The following MROH9 variants were observed in gnomAD, a reference collection of about 807,000 sequenced individuals.
The protein encoded by MROH9 is maestro heat like repeat family member 9, also known as maestro heat-like repeat-containing protein family member 9.
MROH9 carries 92 observed loss-of-function variants against 98.2 expected under a neutral mutation model. That is an observed-to-expected ratio of 0.94 (90% CI 0.79 to 1.11). MROH9 has a LOEUF of 1.11. MROH9 is among the 50% of genes most tolerant of loss of function. MROH9 has a pLI of 0.00. For synonymous variants in MROH9, 397 were observed against 368.9 expected (o/e 1.08, Z -0.87); for missense variants, 1,057 against 1,014.8 (o/e 1.04, Z -0.57).
chr1:170,968,598 G>A (rs1304651984), intron 7 of MROH9, among the ~76,000 whole-genome samples: 1 of 152,058 alleles, frequency 6.6e-6, no homozygotes, highest in East Asian at 1.9e-4. Context: ...AAGATAGAGA[G>A]ACAGCTGGGC....
chr1:170,950,196 C>G (rs1472478188), intron 3 of MROH9, among the ~76,000 whole-genome samples: 1 of 151,992 alleles, frequency 6.6e-6, no homozygotes, highest in Non-Finnish European at 1.5e-5. Context: ...TGTGTTTACC[C>G]TAAAACCAAA....
At chr1:171,046,959 T>C (rs1446115129) in intron 20 of MROH9, among the ~76,000 whole-genome samples, 2 of 152,192 alleles carry the variant, frequency 1.3e-5, no homozygotes, top group East Asian at 3.8e-4. Context: ...TAACATAGTT[T>C]TCCTTCAGCA....
intron 19 of MROH9, 50 bp downstream of exon 19, chr1:171,024,815 A>C: frequency 9.0e-7 from 1 of 1,108,036 alleles, no homozygotes; most frequent in Non-Finnish European, 1.3e-6. Flanking sequence ...GACAAAACTT[A>C]CAGGATATCC....
chr1:171,014,365 A>T lies in MROH9; in HGVS notation c.1734+111A>T, dbSNP rs1652260886. 6.2e-6 allele frequency: 6 copies of T among 968,660 alleles called. No homozygotes were observed. The South Asian group carries it at 1.3e-4, about 22-fold the overall frequency. 60.0% of individuals were successfully genotyped at this position (968,660 alleles called of 1,614,324 possible). On this transcript the variant is annotated intron_variant, in intron 16 of 21. Transcript: ENST00000367759. ...CGGTGATATTTTTCAGTCTCTATAT[A>T]ACTAAAACATATCAAAGCCTGCTGT...
At chr1:170,973,705 G>A (rs1419285651) in intron 8 of MROH9, among the ~76,000 whole-genome samples, 4 of 152,050 alleles carry the variant, frequency 2.6e-5, no homozygotes, top group East Asian at 1.9e-4. Context: ...GTGAATCCCC[G>A]TCTCTACTAA....
chr1:171,000,846 T>C (rs1651759050), intron 15 of MROH9, among the ~76,000 whole-genome samples: 1 of 152,150 alleles, frequency 6.6e-6, no homozygotes, highest in Non-Finnish European at 1.5e-5. Context: ...CTGGTAGAAT[T>C]CTGCTGTGAA....
At chr1:170,954,422 T>A (rs1649681186) in intron 3 of MROH9, among the ~76,000 whole-genome samples, 1 of 152,130 alleles carries the variant, frequency 6.6e-6, no homozygotes, top group African/African-American at 2.4e-5. Flanking sequence ...TTAGGTTGAT[T>A]CCATATCTTG....
chr1:171,016,448 C>T (rs1006216239), intron 17 of MROH9, 112 bp downstream of exon 17: 1 of 784,210 alleles, frequency 1.3e-6, no homozygotes, highest in Non-Finnish European at 1.8e-6. Flanking sequence ...AAGAAGCCAC[C>T]ATTTCTTTTA....
At chr1:170,944,286 G>C (rs1271882396) in intron 1 of MROH9, among the ~76,000 whole-genome samples, 1 of 151,780 alleles carries the variant, frequency 6.6e-6, no homozygotes, top group African/African-American at 2.4e-5. Flanking sequence ...ATCACAACAG[G>C]AATATAAACC....
At chr1:170,936,222 G>C (rs2101855559) in intron 1 of MROH9, among the ~76,000 whole-genome samples, 1 of 152,220 alleles carries the variant, frequency 6.6e-6, no homozygotes, top group African/African-American at 2.4e-5. Context: ...AAGCTAGGAA[G>C]TCCTGGATTC....
intron 5 of MROH9, among the ~76,000 whole-genome samples, chr1:170,960,727 A>G (rs1467772871): frequency 6.6e-6 from 1 of 152,152 alleles, no homozygotes; most frequent in Non-Finnish European, 1.5e-5. Flanking sequence ...GACTCAAGCA[A>G]TCCTTCCATC....
At chr1:171,041,341 T>G (rs1653290188) in intron 20 of MROH9, among the ~76,000 whole-genome samples, 2 of 117,484 alleles carry the variant, frequency 1.7e-5, no homozygotes, top group African/African-American at 3.3e-5. Flanking sequence ...TGAGTAGTAT[T>G]CCATGATGTG....
At position 170,998,252 on chromosome 1, in the gene MROH9, TC is replaced by T; in HGVS notation, c.1575del (p.Ile525MetfsTer3). 6.2e-7 allele frequency: 1 copy of T among 1,613,494 alleles called. No homozygotes were observed. Among genetic ancestry groups the T allele is most frequent in the East Asian group, 2.2e-5 (1 of 44,842 alleles). Reference sequence around the variant, plus strand: ...CCTAGAAGGTCAGAAGACACTGTCATCGTATTAATATTCCTCACTGAAGTGA... The same window carrying T: ...CCTAGAAGGTCAGAAGACACTGTCATGTATTAATATTCCTCACTGAAGTGA... Reference protein sequence around the residue: ...EGPRRSEDTVIVLIFLTELLN... With the variant: ...EGPRRSEDTVXVLIFLTELLN... On this transcript the variant is annotated frameshift_variant, in exon 15 of 22. Transcript: ENST00000367759. LOFTEE classifies it high-confidence loss of function.
intron 20 of MROH9, among the ~76,000 whole-genome samples, chr1:171,055,484 A>T (rs76363824): frequency 2.0e-5 from 3 of 151,948 alleles, no homozygotes; most frequent in Admixed American, 6.6e-5. Flanking sequence ...TTAGCCAGGC[A>T]TGGTGGTGCA....
intron 7 of MROH9, among the ~76,000 whole-genome samples, chr1:170,968,748 CA>C (rs927042317): frequency 2.7e-5 from 4 of 149,198 alleles, no homozygotes; most frequent in African/African-American, 7.4e-5. Flanking sequence ...ACCCCATCTC[CA>C]AAAAAAGTAA....
chr1:171,011,882 G>GT (rs11462656), intron 15 of MROH9, among the ~76,000 whole-genome samples: 14,915 of 150,856 alleles, frequency 0.099, 998 homozygotes, highest in African/African-American at 0.19. Flanking sequence ...TAATTCTATT[G>GT]TTTTTTTTGT....
intron 20 of MROH9, among the ~76,000 whole-genome samples, chr1:171,031,216 A>T (rs1471051837): frequency 6.6e-6 from 1 of 152,112 alleles, no homozygotes; most frequent in Non-Finnish European, 1.5e-5. Flanking sequence ...ACAGCACACC[A>T]ATGGATCTTG....
chr1:170,971,038 C>A (rs1650438103), intron 7 of MROH9, among the ~76,000 whole-genome samples: 4 of 152,088 alleles, frequency 2.6e-5, no homozygotes, highest in Admixed American at 2.6e-4. Context: ...TTGGTAAAGG[C>A]CCTCATACTT....
chr1:171,063,252 A>ATTTT (rs11385110), intron 21 of MROH9, among the ~76,000 whole-genome samples: 17 of 124,942 alleles, frequency 1.4e-4, no homozygotes, highest in Admixed American at 2.7e-4. Context: ...ATTATCCCGG[A>ATTTT]TTTTTTTTTT....
Sources: allele counts gnomAD v4.1 joint callset (sites outside exome capture counted in the v4.1 genomes callset), GRCh38; gene constraint gnomAD v4.1.1; transcripts MANE v1.5; gene names NCBI Gene and HGNC (gene_info 2026-07-23, HGNC 2026-07-21).